Variants in NXPE4 observed in about 807,000 individuals in gnomAD.
NXPE4 encodes neurexophilin and PC-esterase domain family member 4, also known as NXPE family member 4.
Under a neutral mutation model 33.3 loss-of-function variants are expected in NXPE4, and 42 were observed. The ratio of observed to expected loss-of-function variants is 1.26; its 90% confidence interval spans 0.98 to 1.63. NXPE4 has a LOEUF of 1.63. NXPE4 is among the 40% of genes most tolerant of loss of function. The probability of loss-of-function intolerance (pLI) is 0.00; values close to 1 mark genes in which losing one functional copy is unlikely to be tolerated. For synonymous variants in NXPE4, 253 were observed against 234.9 expected, an observed-to-expected ratio of 1.08 and a Z score of -0.71; for missense variants, 709 against 647.6, an observed-to-expected ratio of 1.09 and a Z score of -1.03.
chr11:114,619,004 G>T, the NXPE4 span, among the ~76,000 whole-genome samples: 1 of 152,060 alleles, frequency 6.6e-6, no homozygotes, highest in South Asian at 2.1e-4. Context: ...TGCTTCTAGG[G>T]TAACCACTGT....
the NXPE4 span, among the ~76,000 whole-genome samples, chr11:114,604,934 A>C: frequency 6.6e-6 from 1 of 151,938 alleles, no homozygotes; most frequent in East Asian, 1.9e-4. Context: ...TAGGGTACCC[A>C]CTGTTACCTG....
At chr11:114,614,270 C>T in the NXPE4 span, among the ~76,000 whole-genome samples, 3 of 150,220 alleles carry the variant, frequency 2.0e-5, no homozygotes, top group African/African-American at 4.9e-5. Context: ...AGTATTGCTT[C>T]ATGGGTAAGC....
rs911551830 is a variant in NXPE4 at position 114,593,111 on chromosome 11, T to C, written c.96+1553A>G. On this transcript the variant is annotated intron_variant, in intron 2 of 5. Coordinates refer to ENST00000375478, the MANE Select transcript of NXPE4 (RefSeq NM_001077639.2). ...TAGGGAATACTGTTCAGGACACTGA[T>C]GTAGCCAGAGGATTTTTGGATAAGA... Among the ~76,000 whole-genome samples the C allele has an allele frequency of 2.0e-5, 3 of 152,210 alleles. No individual in the cohort carries two copies. In the East Asian group the frequency reaches 5.8e-4, roughly 29 times the overall value.
chr11:114,632,227 G>A, the NXPE4 span, among the ~76,000 whole-genome samples: 2 of 138,180 alleles, frequency 1.4e-5, no homozygotes, highest in African/African-American at 2.6e-5. Context: ...ATGTATATAT[G>A]TATAATATAT....
At chr11:114,587,163 C>T (rs544167458) in intron 2 of NXPE4, among the ~76,000 whole-genome samples, 1 of 152,240 alleles carries the variant, frequency 6.6e-6, no homozygotes, top group South Asian at 2.1e-4. Context: ...CTTCTTTGAA[C>T]AAGAAAACTC....
the NXPE4 span, among the ~76,000 whole-genome samples, chr11:114,604,322 A>G: frequency 6.6e-6 from 1 of 151,970 alleles, no homozygotes; most frequent in African/African-American, 2.4e-5. Flanking sequence ...CCTGTGGAAA[A>G]TAAGTGTTGC....
At chr11:114,615,125 G>A in the NXPE4 span, among the ~76,000 whole-genome samples, 1 of 152,086 alleles carries the variant, frequency 6.6e-6, no homozygotes, top group African/African-American at 2.4e-5. Flanking sequence ...GTTAACAGGT[G>A]CATAATAAGT....
Position 114,581,797 on chromosome 11 carries a change from C to T in NXPE4, c.831-11G>A. 6.3e-7 allele frequency: 1 copy of T among 1,591,116 alleles called. No individual in the cohort carries two copies. The highest frequency in any genetic ancestry group is 8.6e-7 in the Non-Finnish European group (1 of 1,164,146). On this transcript the variant is annotated splice_polypyrimidine_tract_variant and intron_variant, in intron 3 of 5. Coordinates refer to ENST00000375478, the MANE Select transcript of NXPE4 (RefSeq NM_001077639.2). ...ACACCCACATTTGACCTTAAAGACA[C>T]AAATACAGAAATTAATCTGTAGGTG...
chr11:114,579,987 G>A (rs1175139804), intron 5 of NXPE4, 145 bp downstream of exon 5: 1 of 681,900 alleles, frequency 1.5e-6, no homozygotes, highest in African/African-American at 1.8e-5. Context: ...TTAAAGGAAG[G>A]ATAACAATGC....
chr11:114,632,289 T>TATTATC, the NXPE4 span, among the ~76,000 whole-genome samples: 2 of 138,338 alleles, frequency 1.4e-5, no homozygotes, highest in African/African-American at 5.2e-5. Context: ...TATATATGTA[T>TATTATC]ATTATCCACC....
the NXPE4 span, among the ~76,000 whole-genome samples, chr11:114,601,341 G>A: frequency 2.7e-5 from 4 of 147,026 alleles, no homozygotes; most frequent in African/African-American, 1.0e-4. Flanking sequence ...AGAATATGTG[G>A]TATTTGGTTT....
chr11:114,650,884 G>A, the NXPE4 span, among the ~76,000 whole-genome samples: 190 of 152,084 alleles, frequency 1.2e-3, no homozygotes, highest in African/African-American at 4.3e-3. Context: ...CAGTAAAAAC[G>A]GCAAGCTGCA....
chr11:114,651,384 G>C, the NXPE4 span, among the ~76,000 whole-genome samples: 339 of 152,228 alleles, frequency 2.2e-3, 2 homozygotes, highest in African/African-American at 5.7e-3. Flanking sequence ...TCGTGGTCTC[G>C]TGGTCTCGCT....
At chr11:114,639,867 T>TATATTAA in the NXPE4 span, among the ~76,000 whole-genome samples, 1 of 44,888 alleles carries the variant, frequency 2.2e-5, no homozygotes, top group Non-Finnish European at 3.8e-5. Context: ...TATTATATTT[T>TATATTAA]ATATTAAATA....
At chr11:114,638,103 A>G in the NXPE4 span, among the ~76,000 whole-genome samples, 8 of 151,268 alleles carry the variant, frequency 5.3e-5, no homozygotes, top group East Asian at 5.8e-4. Flanking sequence ...AGGTACACCA[A>G]TGAGATGTAG....
upstream of NXPE4, among the ~76,000 whole-genome samples, chr11:114,600,168 A>G (rs532944432): frequency 8.5e-5 from 13 of 152,318 alleles, no homozygotes; most frequent in African/African-American, 2.6e-4. Flanking sequence ...TATATTTATA[A>G]TTTCAAAGTT....
At chr11:114,572,176 C>A (rs1348548096) in intron 5 of NXPE4, among the ~76,000 whole-genome samples, 2 of 152,110 alleles carry the variant, frequency 1.3e-5, no homozygotes, top group African/African-American at 4.8e-5. Context: ...GGGGATTAAA[C>A]CACATCAAGG....
intron 1 of NXPE4, 73 bp from the exon 2 acceptor site, chr11:114,594,842 T>A: frequency 1.2e-6 from 1 of 802,448 alleles, no homozygotes; most frequent in Non-Finnish European, 2.0e-6. Flanking sequence ...ATGGGAAACA[T>A]TTGAAATTTT....
the NXPE4 span, among the ~76,000 whole-genome samples, chr11:114,636,190 A>G: frequency 4.0e-4 from 60 of 151,882 alleles, no homozygotes; most frequent in African/African-American, 1.2e-3. Context: ...GTTTAGTCTT[A>G]GGAGGGTGTA....
Sources: allele counts gnomAD v4.1 joint callset (sites outside exome capture counted in the v4.1 genomes callset), GRCh38; gene constraint gnomAD v4.1.1; transcripts MANE v1.5; gene names NCBI Gene and HGNC (gene_info 2026-07-23, HGNC 2026-07-21).